The following LRRTM4 variants were observed in gnomAD, a reference collection of about 807,000 sequenced individuals.
LRRTM4 encodes leucine rich repeat transmembrane neuronal 4.
LRRTM4 carries 25 observed loss-of-function variants against 47.6 expected under a neutral mutation model. The observed-to-expected ratio is 0.53, with a 90% CI of 0.38 to 0.73. LRRTM4 has a LOEUF of 0.73. Among genes scored for constraint, LRRTM4 ranks in the 30% least tolerant of loss-of-function variants. LRRTM4 has a pLI of 0.00. For missense variants in LRRTM4, 638 were observed against 713.4 expected (o/e 0.89, Z 1.20); for synonymous variants, 311 against 269.5 (o/e 1.15, Z -1.51).
intron 3 of LRRTM4, among the ~76,000 whole-genome samples, chr2:77,418,177 A>AT (rs746932689): frequency 3.3e-5 from 5 of 151,958 alleles, no homozygotes; most frequent in African/African-American, 9.6e-5. Context: ...AATTTTTGAT[A>AT]TTTTTTTTGA....
chr2:77,058,146 A>G (rs1679668309), intron 3 of LRRTM4, among the ~76,000 whole-genome samples: 1 of 152,168 alleles, frequency 6.6e-6, no homozygotes, highest in South Asian at 2.1e-4. Flanking sequence ...TCAAACAACC[A>G]ACAAAAAGTT....
chr2:77,398,945 T>TG (rs1454438203), intron 3 of LRRTM4, among the ~76,000 whole-genome samples: 5 of 151,866 alleles, frequency 3.3e-5, no homozygotes, highest in African/African-American at 1.2e-4. Context: ...AGGTGGAGGT[T>TG]GGTAGGGGGA....
chr2:76,967,087 C>G (rs752795993), intron 3 of LRRTM4, among the ~76,000 whole-genome samples: 5 of 151,186 alleles, frequency 3.3e-5, no homozygotes, highest in Non-Finnish European at 7.4e-5. Context: ...CACATGTTTA[C>G]TGTCTTGTAG....
chr2:76,943,577 A>G (rs913617806), intron 3 of LRRTM4, among the ~76,000 whole-genome samples: 5 of 152,188 alleles, frequency 3.3e-5, no homozygotes, highest in African/African-American at 1.2e-4. Context: ...TGGTCTCATT[A>G]CAATTTTTTC....
intron 3 of LRRTM4, among the ~76,000 whole-genome samples, chr2:77,465,070 C>T (rs1676932841): frequency 1.3e-5 from 2 of 152,108 alleles, no homozygotes; most frequent in Admixed American, 1.3e-4. Context: ...TTCATAGTCT[C>T]AGAGGCTCAA....
chr2:77,020,029 G>A (rs1678211467), intron 3 of LRRTM4, among the ~76,000 whole-genome samples: 1 of 151,896 alleles, frequency 6.6e-6, no homozygotes, highest in African/African-American at 2.4e-5. Context: ...TAGGTTACTT[G>A]GAAAACATAA....
chr2:76,843,716 G>A (rs1671754288), intron 3 of LRRTM4, among the ~76,000 whole-genome samples: 1 of 152,232 alleles, frequency 6.6e-6, no homozygotes, highest in South Asian at 2.1e-4. Flanking sequence ...GTTGGAGAAG[G>A]TTGAGGATGG....
At chr2:76,891,593 A>T (rs549920176) in intron 3 of LRRTM4, among the ~76,000 whole-genome samples, 40 of 151,920 alleles carry the variant, frequency 2.6e-4, no homozygotes, top group African/African-American at 8.9e-4. Flanking sequence ...ATTTAGCATT[A>T]TAAAAGTAAC....
intron 3 of LRRTM4, among the ~76,000 whole-genome samples, chr2:77,423,921 C>T (rs758424617): frequency 2.0e-5 from 3 of 152,142 alleles, no homozygotes; most frequent in Non-Finnish European, 2.9e-5. Flanking sequence ...TCACATTCCA[C>T]TTAATAATTA....
At chr2:77,375,595 C>T (rs2103779792) in intron 3 of LRRTM4, among the ~76,000 whole-genome samples, 1 of 151,836 alleles carries the variant, frequency 6.6e-6, no homozygotes, top group Admixed American at 6.6e-5. Flanking sequence ...CTTTTCATTT[C>T]CTTTTTTCCC....
intron 3 of LRRTM4, among the ~76,000 whole-genome samples, chr2:77,110,641 T>C (rs1412873895): frequency 3.3e-5 from 5 of 152,174 alleles, no homozygotes; most frequent in Non-Finnish European, 1.5e-5. Context: ...TGTCTGACCC[T>C]TAACAAGAAT....
chr2:77,203,839 C>T (rs147362958), intron 3 of LRRTM4, among the ~76,000 whole-genome samples: 178 of 152,266 alleles, frequency 1.2e-3, no homozygotes, highest in Non-Finnish European at 2.0e-3. Flanking sequence ...AAGAAACATA[C>T]TGTTCCACGA....
chr2:76,916,479 T>G (rs1464969195), intron 3 of LRRTM4, among the ~76,000 whole-genome samples: 1 of 151,982 alleles, frequency 6.6e-6, no homozygotes, highest in East Asian at 1.9e-4. Flanking sequence ...CCATGCTTTT[T>G]AAGTTACATA....
chr2:77,203,246 C>G (rs559004920), intron 3 of LRRTM4, among the ~76,000 whole-genome samples: 1 of 152,066 alleles, frequency 6.6e-6, no homozygotes, highest in East Asian at 1.9e-4. Flanking sequence ...AAAAACAGGT[C>G]TCCATTCTCA....
chr2:76,853,086 T>C (rs981577272), intron 3 of LRRTM4, among the ~76,000 whole-genome samples: 1 of 152,162 alleles, frequency 6.6e-6, no homozygotes, highest in African/African-American at 2.4e-5. Flanking sequence ...TATGCTATGC[T>C]GAAAAGTTTG....
chr2:76,903,773 A>G (rs972924074), intron 3 of LRRTM4, among the ~76,000 whole-genome samples: 1 of 152,168 alleles, frequency 6.6e-6, no homozygotes, highest in Non-Finnish European at 1.5e-5. Context: ...ACTGGGTTAC[A>G]AATAATATTT....
At chr2:76,887,667 A>G (rs1395624505) in intron 3 of LRRTM4, among the ~76,000 whole-genome samples, 1 of 132,124 alleles carries the variant, frequency 7.6e-6, no homozygotes, top group Non-Finnish European at 1.6e-5. Flanking sequence ...GTTTGTATTT[A>G]TATATATATG....
At chr2:77,097,282 T>C (rs1377092547) in intron 3 of LRRTM4, among the ~76,000 whole-genome samples, 1 of 151,948 alleles carries the variant, frequency 6.6e-6, no homozygotes, top group African/African-American at 2.4e-5. Context: ...CATCCCCCAT[T>C]ATTTTGGAAT....
chr2:76,757,544 A>C (rs979306056), intron 3 of LRRTM4, among the ~76,000 whole-genome samples: 32 of 152,264 alleles, frequency 2.1e-4, no homozygotes, highest in African/African-American at 7.5e-4. Flanking sequence ...GAGCTGGATT[A>C]ATTAGCTGGT....
Sources: gnomAD v4.1 joint callset for allele counts (sites outside exome capture counted in the v4.1 genomes callset) on GRCh38, gnomAD v4.1.1 for gene constraint, MANE v1.5 for transcripts, NCBI Gene and HGNC (gene_info 2026-07-23, HGNC 2026-07-21) for gene names.